The following DGKG variants were observed in gnomAD, a reference collection of about 807,000 sequenced individuals.
DGKG encodes the protein DAG kinase gamma.
A neutral mutation model predicts 105.3 loss-of-function variants in DGKG; 78 were observed. The ratio of observed to expected loss-of-function variants is 0.74; its 90% CI spans 0.62 to 0.89. The LOEUF is 0.89. DGKG is among the 40% of genes least tolerant of loss of function. DGKG has a pLI of 0.00. For synonymous variants in DGKG, 346 were observed against 367.1 expected, an observed-to-expected ratio of 0.94 and a Z score of 0.66; for missense variants, 958 against 1,020.1, an observed-to-expected ratio of 0.94 and a Z score of 0.83.
Position 186,362,091 on chromosome 3 carries a change from C to CG in DGKG, c.-395dup, listed in dbSNP as rs1356957145. The stretch of plus-strand genomic sequence containing the variant: ...CGTCTTCCCGCCTGCGCAGCCCTCT[C>CG]GGGGGAGGGGGATGCAGCCCCAGTG... On this transcript the variant is annotated 5_prime_UTR_variant, in exon 1 of 25. Transcript: ENST00000265022. 2.0e-5 allele frequency: 3 copies of CG among 152,372 alleles called. No individual in the cohort carries two copies. Among genetic ancestry groups the CG allele is most frequent in the Admixed American group, 2.0e-4 (3 of 15,276 alleles). The allele number at this position is 152,372 out of a possible 1,614,324, so 9.4% of individuals were successfully genotyped here.
chr3:186,219,281 C>T (rs1253211991), intron 20 of DGKG, among the ~76,000 whole-genome samples: 1 of 152,098 alleles, frequency 6.6e-6, no homozygotes, highest in African/African-American at 2.4e-5. Context: ...GTCACCCGCA[C>T]ACCCAGCTGC....
At chr3:186,196,706 G>A (rs1718199037) in intron 21 of DGKG, among the ~76,000 whole-genome samples, 1 of 152,162 alleles carries the variant, frequency 6.6e-6, no homozygotes, top group Non-Finnish European at 1.5e-5. Flanking sequence ...ATCTTAGAAT[G>A]GGAAAGCAAC....
At chr3:186,274,557 G>T (rs1357102006) in intron 10 of DGKG, among the ~76,000 whole-genome samples, 1 of 115,192 alleles carries the variant, frequency 8.7e-6, no homozygotes, top group Non-Finnish European at 1.7e-5. Flanking sequence ...CCCACGACAG[G>T]CCCCAGTGTG....
At chr3:186,271,094 C>A (rs923195985) in intron 11 of DGKG, among the ~76,000 whole-genome samples, 7 of 152,204 alleles carry the variant, frequency 4.6e-5, no homozygotes, top group African/African-American at 1.7e-4. Flanking sequence ...AGTCCTTCTG[C>A]AGGAGGGCTG....
chr3:186,263,165 A>ACAAAAAACAC, intron 14 of DGKG, among the ~76,000 whole-genome samples: 1 of 151,674 alleles, frequency 6.6e-6, no homozygotes, highest in Non-Finnish European at 1.5e-5. Context: ...CAAACAAAAA[A>ACAAAAAACAC]CACCACCACC....
intron 21 of DGKG, among the ~76,000 whole-genome samples, chr3:186,209,016 A>G (rs1370729645): frequency 6.6e-6 from 1 of 151,128 alleles, no homozygotes; most frequent in East Asian, 1.9e-4. Context: ...GCATATTAGG[A>G]CATGTTATGG....
intron 20 of DGKG, among the ~76,000 whole-genome samples, chr3:186,221,097 C>T (rs929378078): frequency 1.3e-5 from 2 of 152,210 alleles, no homozygotes; most frequent in Admixed American, 6.5e-5. Context: ...CAAATGTGCT[C>T]GCAGACACTG....
chr3:186,250,554 A>ATTTTTTTTTTTTTTTTTTTTTTT (rs1165295513), intron 19 of DGKG, among the ~76,000 whole-genome samples: 1 of 27,620 alleles, frequency 3.6e-5, no homozygotes, highest in African/African-American at 8.3e-5. Context: ...TAATTCTGTC[A>ATTTTTTTTTTTTTTTTTTTTTTT]TTCTTTTTTT....
At chr3:186,158,127 G>T in intron 24 of DGKG, 1 of 643,950 alleles carries the variant, frequency 1.6e-6, no homozygotes. Flanking sequence ...TCAAACATTT[G>T]ACATATTTTA....
chr3:186,299,236 G>A (rs963075124), intron 3 of DGKG, among the ~76,000 whole-genome samples: 1 of 152,226 alleles, frequency 6.6e-6, no homozygotes, highest in South Asian at 2.1e-4. Flanking sequence ...TAGCAGCCAT[G>A]AGAATAAAAT....
intron 17 of DGKG, 109 bp downstream of exon 17, chr3:186,257,745 A>C: frequency 1.2e-6 from 1 of 810,762 alleles, no homozygotes; most frequent in Non-Finnish European, 2.1e-6. Flanking sequence ...GGGAAGATAC[A>C]AGGATGAACA....
chr3:186,275,773 T>C, intron 9 of DGKG, 109 bp from the exon 10 acceptor site: 1 of 675,650 alleles, frequency 1.5e-6, no homozygotes, highest in Admixed American at 3.5e-5. Flanking sequence ...GAAGATGAGT[T>C]ATTGATATTT....
intron 20 of DGKG, among the ~76,000 whole-genome samples, chr3:186,240,342 T>G (rs1720624421): frequency 6.6e-6 from 1 of 152,232 alleles, no homozygotes; most frequent in Non-Finnish European, 1.5e-5. Context: ...CTTTCCAGCC[T>G]GTTTCCAGCA....
chr3:186,197,900 A>G (rs990451719), intron 21 of DGKG, among the ~76,000 whole-genome samples: 2 of 152,222 alleles, frequency 1.3e-5, no homozygotes, highest in Admixed American at 6.5e-5. Flanking sequence ...TGCTCTTGCT[A>G]GAAATGAATC....
At chr3:186,164,109 T>C (rs1467353601) in intron 23 of DGKG, among the ~76,000 whole-genome samples, 3 of 152,178 alleles carry the variant, frequency 2.0e-5, no homozygotes, top group Non-Finnish European at 2.9e-5. Flanking sequence ...CCCAGGAGGT[T>C]CTGGGAGAAA....
At chr3:186,221,539 T>C (rs1578684467) in intron 20 of DGKG, among the ~76,000 whole-genome samples, 2 of 152,162 alleles carry the variant, frequency 1.3e-5, no homozygotes, top group East Asian at 1.9e-4. Flanking sequence ...AATCCCTGCC[T>C]GGAGGGACGG....
chr3:186,316,512 A>T (rs570020871), intron 2 of DGKG, among the ~76,000 whole-genome samples: 52 of 152,328 alleles, frequency 3.4e-4, no homozygotes, highest in Middle Eastern at 6.8e-3. Flanking sequence ...ATCGTTTTAT[A>T]ATACAAATTT....
intron 3 of DGKG, among the ~76,000 whole-genome samples, chr3:186,300,287 C>G (rs1318581765): frequency 6.6e-6 from 1 of 152,156 alleles, no homozygotes; most frequent in Non-Finnish European, 1.5e-5. Context: ...ATCTACTGGC[C>G]CATCCTTCTC....
chr3:186,160,309 A>G, intron 24 of DGKG: 1 of 985,402 alleles, frequency 1.0e-6, no homozygotes, highest in Non-Finnish European at 1.2e-6. Context: ...TGAACCAGGT[A>G]GGAGAGGGTT....
Sources: allele counts gnomAD v4.1 joint callset (sites outside exome capture counted in the v4.1 genomes callset), GRCh38; gene constraint gnomAD v4.1.1; transcripts MANE v1.5; gene names NCBI Gene and HGNC (gene_info 2026-07-23, HGNC 2026-07-21).